Variants in CDH9 observed in about 807,000 individuals in gnomAD.
The protein encoded by CDH9 is cadherin 9.
Under a neutral mutation model 70.9 loss-of-function variants are expected in CDH9, and 28 were observed. The observed-to-expected ratio is 0.40, with a 90% CI of 0.29 to 0.54. CDH9 has a LOEUF of 0.54. CDH9 is among the 20% of genes least tolerant of loss of function. The pLI is 0.59. For synonymous variants in CDH9, 409 were observed against 343.1 expected, an observed-to-expected ratio of 1.19 and a Z score of -2.12; for missense variants, 874 against 984.4, an observed-to-expected ratio of 0.89 and a Z score of 1.50.
intron 7 of CDH9, among the ~76,000 whole-genome samples, chr5:26,900,442 A>G (rs1027054396): frequency 2.0e-5 from 3 of 152,084 alleles, no homozygotes; most frequent in Non-Finnish European, 2.9e-5. Context: ...CTAAGTGGCT[A>G]ATTTATTTTA....
At chr5:26,892,906 T>C (rs1237436447) in intron 7 of CDH9, among the ~76,000 whole-genome samples, 1 of 152,006 alleles carries the variant, frequency 6.6e-6, no homozygotes, top group Non-Finnish European at 1.5e-5. Flanking sequence ...AATTTTTTTT[T>C]GTATTTTTAG....
At chr5:26,959,403 G>A (rs1741996752) in intron 2 of CDH9, among the ~76,000 whole-genome samples, 1 of 152,032 alleles carries the variant, frequency 6.6e-6, no homozygotes, top group Admixed American at 6.6e-5. Flanking sequence ...TATATTGCTG[G>A]TAGGCATATA....
chr5:26,990,525 T>A (rs1742563126), intron 1 of CDH9, among the ~76,000 whole-genome samples: 1 of 152,142 alleles, frequency 6.6e-6, no homozygotes, highest in South Asian at 2.1e-4. Flanking sequence ...CTGTAAACTG[T>A]GGAATAATTG....
intron 5 of CDH9, 115 bp from the exon 6 acceptor site, chr5:26,903,939 T>G: frequency 1.7e-6 from 1 of 596,982 alleles, no homozygotes; most frequent in South Asian, 2.2e-5. Flanking sequence ...TTTTATCATA[T>G]TGAATTGTAA....
intron 1 of CDH9, among the ~76,000 whole-genome samples, chr5:26,991,315 A>C (rs1440239630): frequency 6.6e-6 from 1 of 152,178 alleles, no homozygotes; most frequent in African/African-American, 2.4e-5. Flanking sequence ...TGCCCCTGCA[A>C]CTGTCTTTGA....
At position 27,006,470 on chromosome 5, in the gene CDH9, A is replaced by T. The variant is rs563678580; in HGVS notation, c.-49-18088T>A. Among the ~76,000 whole-genome samples, 11 of 152,152 alleles carry T rather than the reference A, an allele frequency of 7.2e-5. No homozygotes were observed. In the East Asian group the frequency reaches 1.9e-3, roughly 27 times the overall value. On this transcript the variant is annotated intron_variant, in intron 1 of 11. Coordinates refer to ENST00000231021, the MANE Select transcript of CDH9 (RefSeq NM_016279.4). ...TTCTCCTCTATGCAGCACCACTAAG[A>T]GTTGGCTGCTTTACAGTGAGCCACA...
At chr5:27,028,925 T>A (rs1372439640) in intron 1 of CDH9, among the ~76,000 whole-genome samples, 4 of 151,978 alleles carry the variant, frequency 2.6e-5, no homozygotes, top group African/African-American at 7.2e-5. Flanking sequence ...GTAGAATGTA[T>A]CAATAGTTAA....
intron 7 of CDH9, among the ~76,000 whole-genome samples, chr5:26,900,813 A>T (rs989573024): frequency 3.3e-5 from 5 of 152,094 alleles, no homozygotes; most frequent in Non-Finnish European, 5.9e-5. Context: ...TTTTTGAAAC[A>T]TGACAAATAC....
At chr5:26,920,416 G>T (rs990556983) in intron 2 of CDH9, among the ~76,000 whole-genome samples, 1 of 151,974 alleles carries the variant, frequency 6.6e-6, no homozygotes, top group African/African-American at 2.4e-5. Flanking sequence ...GGCATCTCTG[G>T]ACCCACCTAG....
intron 1 of CDH9, among the ~76,000 whole-genome samples, chr5:27,033,765 G>A (rs1339828643): frequency 6.6e-6 from 1 of 151,312 alleles, no homozygotes; most frequent in Non-Finnish European, 1.5e-5. Flanking sequence ...AACCTGCTTT[G>A]GTAGAAAAAA....
intron 2 of CDH9, among the ~76,000 whole-genome samples, chr5:26,917,062 G>A (rs1579449582): frequency 2.0e-5 from 3 of 151,840 alleles, no homozygotes; most frequent in Admixed American, 1.3e-4. Context: ...TAGGAATTAC[G>A]AATTGAAAAA....
intron 2 of CDH9, among the ~76,000 whole-genome samples, chr5:26,948,395 A>G (rs1213581052): frequency 6.6e-6 from 1 of 152,240 alleles, no homozygotes; most frequent in African/African-American, 2.4e-5. Context: ...AACTCACCCA[A>G]TATCAACAGA....
At chr5:26,933,201 C>G (rs115130366) in intron 2 of CDH9, among the ~76,000 whole-genome samples, 1 of 147,772 alleles carries the variant, frequency 6.8e-6, no homozygotes, top group African/African-American at 2.5e-5. Flanking sequence ...AAATGTATTA[C>G]GAAATAAAAT....
chr5:26,960,315 G>A (rs551326565), intron 2 of CDH9, among the ~76,000 whole-genome samples: 42 of 151,916 alleles, frequency 2.8e-4, no homozygotes, highest in South Asian at 6.2e-4. Context: ...AATTAAATGC[G>A]TAGATAAAAT....
chr5:27,018,552 T>C (rs542009920), intron 1 of CDH9, among the ~76,000 whole-genome samples: 3 of 152,068 alleles, frequency 2.0e-5, no homozygotes, highest in African/African-American at 7.2e-5. Flanking sequence ...AGACATATTC[T>C]AAGTGATGGT....
chr5:26,948,928 C>T (rs1283365445), intron 2 of CDH9, among the ~76,000 whole-genome samples: 4 of 152,088 alleles, frequency 2.6e-5, no homozygotes, highest in African/African-American at 4.8e-5. Context: ...GGTGGGAGAA[C>T]GCTATTAACC....
At chr5:26,897,924 C>A (rs1222533312) in intron 7 of CDH9, among the ~76,000 whole-genome samples, 1 of 152,104 alleles carries the variant, frequency 6.6e-6, no homozygotes, top group Non-Finnish European at 1.5e-5. Context: ...TTAGAAAACC[C>A]CATCGTCTCA....
At chr5:26,916,124 A>G (rs1741145061) in intron 2 of CDH9, among the ~76,000 whole-genome samples, 200 bp from the exon 3 acceptor site, 1 of 152,008 alleles carries the variant, frequency 6.6e-6, no homozygotes, top group Admixed American at 6.6e-5. Flanking sequence ...ATATTTAGAC[A>G]TCATAATGGA....
intron 1 of CDH9, among the ~76,000 whole-genome samples, chr5:26,991,245 G>A (rs1742574900): frequency 6.6e-6 from 1 of 152,070 alleles, no homozygotes; most frequent in African/African-American, 2.4e-5. Flanking sequence ...ATCCTTTAAT[G>A]TGGCCACACA....
Sources: allele counts gnomAD v4.1 joint callset (sites outside exome capture counted in the v4.1 genomes callset), GRCh38; gene constraint gnomAD v4.1.1; transcripts MANE v1.5; gene names NCBI Gene and HGNC (gene_info 2026-07-23, HGNC 2026-07-21).